The following MCMDC2 variants were observed in gnomAD, a reference collection of about 807,000 sequenced individuals.
The protein encoded by MCMDC2 is minichromosome maintenance domain containing 2, also known as minichromosome maintenance domain-containing protein 2.
A neutral mutation model predicts 75.8 loss-of-function variants in MCMDC2; 54 were observed. That is an observed-to-expected ratio of 0.71 (90% CI 0.57 to 0.89). The LOEUF (loss-of-function observed/expected upper bound fraction) is 0.89. MCMDC2 is among the 40% of genes least tolerant of loss of function. The pLI is 0.00. For missense variants in MCMDC2, 656 were observed against 780.4 expected, an observed-to-expected ratio of 0.84 and a Z score of 1.90; for synonymous variants, 249 against 274.6, an observed-to-expected ratio of 0.91 and a Z score of 0.92.
rs777367469 is a variant in MCMDC2 at position 66,905,374 on chromosome 8, T to G, written c.1879+39T>G. 19 of 1,375,252 alleles carry G rather than the reference T, an allele frequency of 1.4e-5. 1 individual carries two copies. In the South Asian group the frequency reaches 3.5e-4, roughly 25 times the overall value. The allele number at this position is 1,375,252 out of a possible 1,614,324, so 85.2% of individuals were successfully genotyped here. On this transcript the variant is annotated intron_variant, in intron 14 of 14. Coordinates refer to ENST00000422365, the MANE Select transcript of MCMDC2 (RefSeq NM_173518.5). ...TTATTAATGATCACTACAAATAACT[T>G]TTATTTAACCTTAAATATTCTTAGT...
chr8:66,894,819 G>A (rs1385326489), intron 10 of MCMDC2, among the ~76,000 whole-genome samples: 1 of 152,120 alleles, frequency 6.6e-6, no homozygotes, highest in Non-Finnish European at 1.5e-5. Context: ...TATTCACAGA[G>A]TTGTGCTACT....
chr8:66,913,492 A>C (rs1219776055), intron 14 of MCMDC2, among the ~76,000 whole-genome samples: 1 of 152,220 alleles, frequency 6.6e-6, no homozygotes, highest in Non-Finnish European at 1.5e-5. Flanking sequence ...TGTTCTCATA[A>C]TATGCCTCAT....
At position 66,896,959 on chromosome 8, in the gene MCMDC2, G is replaced by A. The variant is rs1812383847; in HGVS notation, c.1626G>A (p.Lys542=). The change falls in exon 12 of 15, where the codon AAG becomes AAA. Residue 542 remains lysine, a splice_region_variant and synonymous_variant. Coordinates refer to ENST00000422365, the MANE Select transcript of MCMDC2 (RefSeq NM_173518.5). The part of the protein sequence containing the change: ...SRQFTTEDFE[K]LLAFAKNLNV... ...AGTTCACAACTGAAGATTTTGAAAA[G>A]GTAAAGGTGGATAAAACGGTTACCC... is the stretch of plus-strand genomic sequence containing the variant. 1 of 1,590,428 alleles carries A rather than the reference G, an allele frequency of 6.3e-7. No individual in the cohort carries two copies. Among genetic ancestry groups the A allele is most frequent in the Non-Finnish European group, 8.5e-7 (1 of 1,171,140 alleles).
rs570561164 is a variant in MCMDC2, at chr8:66,918,096, T to C, written c.1880-907T>C. Among the ~76,000 whole-genome samples the C allele has an allele frequency of 2.0e-5, 3 of 152,316 alleles. No individual in the cohort carries two copies. The Middle Eastern group carries it at 0.01, about 518-fold the overall frequency. ...GTTTTTTATTTTTATAATAAATCCT[T>C]ATAGGTGTGAGGTAGTAGCTCATTG... is the stretch of plus-strand genomic sequence containing the variant. On this transcript the variant is annotated intron_variant, in intron 14 of 14. Transcript: ENST00000422365.
chr8:66,871,412 G>A (rs1811011153), intron 1 of MCMDC2: 1 of 152,078 alleles, frequency 6.6e-6, no homozygotes, highest in African/African-American at 2.4e-5. Flanking sequence ...CTTAGCTTTC[G>A]ATTACTCTTC....
At chr8:66,910,869 C>T (rs1353367699) in intron 14 of MCMDC2, among the ~76,000 whole-genome samples, 1 of 152,074 alleles carries the variant, frequency 6.6e-6, no homozygotes, top group Admixed American at 6.6e-5. Context: ...CTTGCAGCCC[C>T]TTCATTTTGG....
Position 66,874,512 on chromosome 8 carries a change from TG to T in MCMDC2, c.226-14del. On this transcript the variant is annotated splice_polypyrimidine_tract_variant and intron_variant, in intron 3 of 14. Coordinates refer to ENST00000422365, the MANE Select transcript of MCMDC2 (RefSeq NM_173518.5). ...ACATGGAATTTTTGGTAACTTTTTT[TG>T]TTTGAAATCACAGGTCTGTTTTATT... 3.1e-6 allele frequency: 5 copies of T among 1,612,892 alleles called. No individual in the cohort carries two copies. Among genetic ancestry groups the T allele is most frequent in the Non-Finnish European group, 4.2e-6 (5 of 1,179,686 alleles).
intron 4 of MCMDC2, among the ~76,000 whole-genome samples, chr8:66,876,921 C>T (rs894531200): frequency 1.3e-5 from 2 of 151,816 alleles, no homozygotes; most frequent in African/African-American, 2.4e-5. Flanking sequence ...CCATCACACC[C>T]GGCTAATTTT....
chr8:66,926,106 G>C (rs773215122), downstream of MCMDC2: 1 of 152,266 alleles, frequency 6.6e-6, no homozygotes, highest in Non-Finnish European at 1.5e-5. Context: ...CCAAGATCGC[G>C]CCACTGCACT....
intron 9 of MCMDC2, 50 bp downstream of exon 9, chr8:66,884,044 C>T: frequency 8.6e-7 from 1 of 1,165,592 alleles, no homozygotes; most frequent in Non-Finnish European, 1.3e-6. Context: ...CACAGATTTG[C>T]ATACATCCTT....
At chr8:66,915,321 G>A (rs1002494232) in intron 14 of MCMDC2, among the ~76,000 whole-genome samples, 2 of 151,736 alleles carry the variant, frequency 1.3e-5, no homozygotes, top group Admixed American at 6.6e-5. Context: ...GCGTAGTGGC[G>A]CGCGTCTGTA....
Position 66,884,250 on chromosome 8 carries a change from C to A in MCMDC2, c.1073+256C>A. ...ATACATCCTTCCCAGCCTTCCTTTCCCCCTATTCCCTAGCTCTGTATTCTC... is the reference window on the plus strand; with the variant it reads ...ATACATCCTTCCCAGCCTTCCTTTCACCCTATTCCCTAGCTCTGTATTCTC... On this transcript the variant is annotated intron_variant, in intron 9 of 14. Transcript: ENST00000422365. 4 of 520,976 alleles carry A rather than the reference C, an allele frequency of 7.7e-6. No homozygotes were observed. In the South Asian group the frequency reaches 9.6e-5, roughly 12 times the overall value. 32.3% of individuals were successfully genotyped at this position (520,976 alleles called of 1,614,324 possible).
At chr8:66,895,151 T>C (rs1230794822) in intron 10 of MCMDC2, among the ~76,000 whole-genome samples, 2 of 152,248 alleles carry the variant, frequency 1.3e-5, no homozygotes, top group South Asian at 2.1e-4. Flanking sequence ...GGATTACTTA[T>C]AATAGTCAAT....
rs1387087504 is a variant in MCMDC2 at position 66,919,055 on chromosome 8, T to A, written c.1932T>A (p.Tyr644Ter). 4 of 1,550,298 alleles carry A rather than the reference T, an allele frequency of 2.6e-6. No homozygotes were observed. The highest frequency in any genetic ancestry group is 3.5e-6 in the Non-Finnish European group (4 of 1,146,334). Residue 644 changes from tyrosine to a stop codon, truncating the protein, a stop_gained, in exon 15 of 15, where the codon TAT becomes TAA. Coordinates refer to ENST00000422365, the MANE Select transcript of MCMDC2 (RefSeq NM_173518.5). LOFTEE classifies it high-confidence loss of function. ...APNAVFPFEL[Y>*]NEEYLEQRDL... ...ATGCAGTATTTCCATTTGAACTGTA[T>A]AATGAAGAATACTTAGAGCAAAGGG...
rs183690226 is a variant in MCMDC2 at position 66,890,940 on chromosome 8, A to G, written c.1149A>G (p.Leu383=). The G allele has an allele frequency of 3.5e-5, 56 of 1,613,684 alleles. No homozygotes were observed. In the Admixed American group the frequency reaches 8.8e-4, roughly 25 times the overall value. The change falls in exon 10 of 15, where the codon CTA becomes CTG. Residue 383 remains leucine, a synonymous_variant. Transcript: ENST00000422365. ...TCTCTACTGAAATTTTTCCCACTCT[A>G]TCCAGGAATAAGTATGGAACTGGAG... ...HLVSTEIFPT[L]SRNKYGTGAV... is the part of the protein sequence containing the mutation.
intron 12 of MCMDC2, among the ~76,000 whole-genome samples, chr8:66,899,698 A>G (rs1425045992): frequency 6.6e-6 from 1 of 151,806 alleles, no homozygotes; most frequent in East Asian, 2.0e-4. Context: ...GGGTTTCACC[A>G]TGTTGGCCAG....
In MCMDC2 at chr8:66,880,957, C is replaced by A; in HGVS notation, c.818C>A (p.Thr273Asn). 1.3e-6 allele frequency: 2 copies of A among 1,515,686 alleles called. No individual in the cohort carries two copies. Among genetic ancestry groups the A allele is most frequent in the Non-Finnish European group, 1.8e-6 (2 of 1,136,562 alleles). The allele number at this position is 1,515,686 out of a possible 1,614,324, so 93.9% of individuals were successfully genotyped here. Reference protein sequence around the residue: ...TAVCIEANSITFCNSKVPSGI... With the variant: ...TAVCIEANSINFCNSKVPSGI... ...GTCTGTATAGAAGCAAATAGCATAA[C>A]TTTTTGTAATTCAAAAGGTAAGGAA... is the stretch of plus-strand genomic sequence containing the variant. The change falls in exon 8 of 15, where the codon ACT becomes AAT. Residue 273 changes from threonine (T) to asparagine (N), a missense_variant. Physicochemically the swap from Thr to Asn is moderately conservative, Grantham distance 65. Transcript: ENST00000422365.
intron 9 of MCMDC2, among the ~76,000 whole-genome samples, chr8:66,886,776 A>C (rs1305754811): frequency 7.4e-6 from 1 of 135,338 alleles, no homozygotes; most frequent in Non-Finnish European, 1.7e-5. Context: ...CTCAGTCTCA[A>C]AAAAAAAAAA....
At chr8:66,917,485 T>C (rs903324792) in intron 14 of MCMDC2, among the ~76,000 whole-genome samples, 1 of 152,240 alleles carries the variant, frequency 6.6e-6, no homozygotes, top group Non-Finnish European at 1.5e-5. Context: ...ATTCACACTG[T>C]TGGGCAACCA....
Sources: allele counts gnomAD v4.1 joint callset (sites outside exome capture counted in the v4.1 genomes callset), GRCh38; gene constraint gnomAD v4.1.1; transcripts MANE v1.5; gene names NCBI Gene and HGNC (gene_info 2026-07-23, HGNC 2026-07-21).